Variants in NEGR1 observed in about 807,000 individuals in gnomAD.
NEGR1 encodes IgLON family member 4.
NEGR1 carries 10 observed loss-of-function variants against 40.9 expected under a neutral mutation model. The ratio of observed to expected loss-of-function variants is 0.24; its 90% CI spans 0.15 to 0.42. The LOEUF (loss-of-function observed/expected upper bound fraction) is 0.42. NEGR1 is among the 10% of genes least tolerant of loss of function. The probability of loss-of-function intolerance (pLI) is 1.00; values close to 1 mark genes in which losing one functional copy is unlikely to be tolerated. For synonymous variants in NEGR1, 185 were observed against 166.8 expected (o/e 1.11, Z -0.84); for missense variants, 352 against 438.9 (o/e 0.80, Z 1.77).
intron 3 of NEGR1, among the ~76,000 whole-genome samples, chr1:71,747,253 A>G (rs1385487109): frequency 1.3e-5 from 2 of 152,166 alleles, no homozygotes; most frequent in Admixed American, 6.6e-5. Context: ...TATTTCCTTT[A>G]TAGATATTTA....
chr1:71,617,740 C>T lies in NEGR1; in HGVS notation c.668-6594G>A, dbSNP rs567510494. ...TAAAATTACCAACCAGGTTAAAATA[C>T]ATGCCCTTAACTCACATCTGTTGCC... On this transcript the variant is annotated intron_variant, in intron 4 of 6. Coordinates refer to ENST00000357731, the MANE Select transcript of NEGR1 (RefSeq NM_173808.3). Among the ~76,000 whole-genome samples, 12 of 152,286 alleles carry T rather than the reference C, an allele frequency of 7.9e-5. No individual in the cohort carries two copies. The South Asian group carries it at 2.1e-3, about 26-fold the overall frequency.
intron 1 of NEGR1, among the ~76,000 whole-genome samples, chr1:72,173,464 T>C (rs552240334): frequency 2.0e-5 from 3 of 151,748 alleles, no homozygotes; most frequent in South Asian, 2.1e-4. Flanking sequence ...AAACATGTTC[T>C]TTAGAATAAG....
chr1:72,137,265 T>C (rs576452202), intron 1 of NEGR1, among the ~76,000 whole-genome samples: 1 of 152,170 alleles, frequency 6.6e-6, no homozygotes, highest in Non-Finnish European at 1.5e-5. Context: ...CAAAGGATTA[T>C]AAATCATTCC....
intron 2 of NEGR1, among the ~76,000 whole-genome samples, chr1:71,808,049 G>T (rs1657844067): frequency 6.6e-6 from 1 of 151,900 alleles, no homozygotes; most frequent in South Asian, 2.1e-4. Flanking sequence ...GAAATGAGAG[G>T]AAAATAAGAA....
intron 1 of NEGR1, among the ~76,000 whole-genome samples, chr1:72,103,502 T>C (rs931744307): frequency 2.0e-5 from 3 of 152,148 alleles, no homozygotes; most frequent in Non-Finnish European, 4.4e-5. Context: ...AGTATGCTTC[T>C]TGACTTCTCT....
At chr1:71,414,064 T>A (rs1011648295) in intron 6 of NEGR1, among the ~76,000 whole-genome samples, 2 of 152,204 alleles carry the variant, frequency 1.3e-5, no homozygotes, top group South Asian at 4.1e-4. Flanking sequence ...ATATTAATTC[T>A]GCTTCTGTAA....
At chr1:71,699,750 T>C (rs974786227) in intron 3 of NEGR1, among the ~76,000 whole-genome samples, 1 of 151,920 alleles carries the variant, frequency 6.6e-6, no homozygotes, top group African/African-American at 2.4e-5. Context: ...GACTCTCAAC[T>C]TGAATTGTAT....
intron 1 of NEGR1, among the ~76,000 whole-genome samples, chr1:72,158,424 T>C (rs1651439087): frequency 6.6e-6 from 1 of 152,200 alleles, no homozygotes; most frequent in South Asian, 2.1e-4. Flanking sequence ...GGGTCCACTT[T>C]GCTACTGATG....
At chr1:72,084,734 T>G (rs1482682802) in intron 1 of NEGR1, among the ~76,000 whole-genome samples, 1 of 152,206 alleles carries the variant, frequency 6.6e-6, no homozygotes, top group South Asian at 2.1e-4. Flanking sequence ...TTTAAGAAAA[T>G]TTTCTAAATT....
rs369746091 is a variant in NEGR1, at chr1:71,592,798, G to A, written c.940+19C>T. On this transcript the variant is annotated intron_variant, in intron 6 of 6. Transcript: ENST00000357731. The stretch of plus-strand genomic sequence containing the variant: ...CCCAGAGGCCCCTGGAAGCATTTTG[G>A]TACCATTGCATTACTTACGGTTAAG... The A allele has an allele frequency of 1.4e-5, 22 of 1,597,458 alleles. No individual in the cohort carries two copies. Among genetic ancestry groups the A allele is most frequent in the Non-Finnish European group, 1.9e-5 (22 of 1,167,738 alleles).
intron 2 of NEGR1, among the ~76,000 whole-genome samples, chr1:71,795,915 A>G (rs1657308584): frequency 6.6e-6 from 1 of 152,142 alleles, no homozygotes; most frequent in Admixed American, 6.6e-5. Flanking sequence ...AGCTTCTACA[A>G]TTTAGACCAG....
intron 6 of NEGR1, among the ~76,000 whole-genome samples, chr1:71,558,648 C>T (rs1648333163): frequency 1.3e-5 from 2 of 150,660 alleles, no homozygotes; most frequent in Admixed American, 6.6e-5. Context: ...TAAATTGTTC[C>T]AGTTTTGGTC....
intron 2 of NEGR1, among the ~76,000 whole-genome samples, chr1:71,910,105 A>C (rs891324552): frequency 6.6e-6 from 1 of 152,218 alleles, no homozygotes; most frequent in Non-Finnish European, 1.5e-5. Flanking sequence ...ATACTTGGAC[A>C]TTAAAAGTCA....
At chr1:72,190,633 CTATT>C (rs1359835374) in intron 1 of NEGR1, among the ~76,000 whole-genome samples, 1 of 151,414 alleles carries the variant, frequency 6.6e-6, no homozygotes, top group African/African-American at 2.4e-5. Flanking sequence ...AATTTTGTTT[CTATT>C]TATTAATATA....
intron 1 of NEGR1, among the ~76,000 whole-genome samples, chr1:72,251,807 T>C (rs1655105228): frequency 6.6e-6 from 1 of 152,172 alleles, no homozygotes; most frequent in African/African-American, 2.4e-5. Flanking sequence ...TATACCTTTA[T>C]AATAAAATAT....
At chr1:71,948,775 C>T (rs984765025) in intron 1 of NEGR1, among the ~76,000 whole-genome samples, 2 of 151,898 alleles carry the variant, frequency 1.3e-5, no homozygotes, top group African/African-American at 2.4e-5. Context: ...CTCAGAAATG[C>T]GAGTACCTCT....
At chr1:71,999,425 T>C (rs1458035358) in intron 1 of NEGR1, among the ~76,000 whole-genome samples, 1 of 151,118 alleles carries the variant, frequency 6.6e-6, no homozygotes, top group Non-Finnish European at 1.5e-5. Flanking sequence ...AGATGACAAA[T>C]ACCAGAAGTT....
At chr1:71,717,979 C>T (rs926834037) in intron 3 of NEGR1, among the ~76,000 whole-genome samples, 2 of 152,138 alleles carry the variant, frequency 1.3e-5, no homozygotes, top group African/African-American at 2.4e-5. Context: ...ATCTTGATCT[C>T]AGACTTATAG....
chr1:71,957,673 T>G (rs1160843018), intron 1 of NEGR1, among the ~76,000 whole-genome samples: 1 of 152,178 alleles, frequency 6.6e-6, no homozygotes, highest in Non-Finnish European at 1.5e-5. Flanking sequence ...CAATTGGGTT[T>G]GGAACCAATT....
Sources: allele counts gnomAD v4.1 joint callset (sites outside exome capture counted in the v4.1 genomes callset), GRCh38; gene constraint gnomAD v4.1.1; transcripts MANE v1.5; gene names NCBI Gene and HGNC (gene_info 2026-07-23, HGNC 2026-07-21).